FRMD1: variants seen among roughly 807,000 people sequenced by gnomAD.
FRMD1 encodes the protein FERM domain containing 1.
Under a neutral mutation model 54.9 loss-of-function variants are expected in FRMD1, and 51 were observed. The observed-to-expected ratio is 0.93, with a 90% confidence interval of 0.74 to 1.17. The LOEUF is 1.17. Ranked by LOEUF, FRMD1 falls within the 50% of genes most tolerant of loss-of-function variation. The probability of loss-of-function intolerance (pLI) is 0.00; values close to 1 mark genes in which losing one functional copy is unlikely to be tolerated. For synonymous variants in FRMD1, 324 were observed against 306.4 expected, an observed-to-expected ratio of 1.06 and a Z score of -0.60; for missense variants, 729 against 743.0, an observed-to-expected ratio of 0.98 and a Z score of 0.22.
Position 168,062,960 on chromosome 6 carries a change from C to T in FRMD1, c.805-1G>A. 1 of 1,613,692 alleles carries T rather than the reference C, an allele frequency of 6.2e-7. No individual in the cohort carries two copies. Among genetic ancestry groups the T allele is most frequent in the Non-Finnish European group, 8.5e-7 (1 of 1,179,622 alleles). On this transcript the variant is annotated splice_acceptor_variant, in intron 6 of 10. Coordinates refer to ENST00000283309, the MANE Select transcript of FRMD1 (RefSeq NM_024919.6). LOFTEE classifies it high-confidence loss of function. ...CGGTGGGACGACCTTCCTTCTTATC[C>T]TAGAGGACACAGGTCAGAGGTCAAG...
At chr6:168,077,098 G>T (rs1800629672) in intron 1 of FRMD1, among the ~76,000 whole-genome samples, 1 of 152,158 alleles carries the variant, frequency 6.6e-6, no homozygotes. Flanking sequence ...CCCCAACAGA[G>T]GGTTGCTGTC....
chr6:168,057,265 C>T lies in FRMD1; in HGVS notation c.1482G>A (p.Leu494=), dbSNP rs1799458766. The change falls in exon 11 of 11, where the codon CTG becomes CTA. Residue 494 remains leucine (L), a synonymous_variant. Coordinates refer to ENST00000283309, the MANE Select transcript of FRMD1 (RefSeq NM_024919.6). ...HGLDDMQLHQ[L]ALHPAPTSLS... is the part of the protein sequence containing the mutation. Reference sequence around the variant, plus strand: ...GTGAGGTGGGCGCTGGGTGCAGGGCCAGCTGGTGCAGCTGCATGTCGTCCA... The same window carrying T: ...GTGAGGTGGGCGCTGGGTGCAGGGCTAGCTGGTGCAGCTGCATGTCGTCCA... 1.2e-6 allele frequency: 2 copies of T among 1,611,556 alleles called. No individual in the cohort carries two copies. The highest frequency in any genetic ancestry group is 1.7e-6 in the Non-Finnish European group (2 of 1,179,298).
Position 168,061,792 on chromosome 6 carries a change from C to A in FRMD1, c.1045+15G>T. The A allele has an allele frequency of 1.3e-6, 2 of 1,542,442 alleles. No homozygotes were observed. Among genetic ancestry groups the A allele is most frequent in the Non-Finnish European group, 1.7e-6 (2 of 1,144,462 alleles). ...AGTCCGGCTGCGGAGCCCAGCATAC[C>A]CAGCCCAGCCCCACCTTCTGCCTCC... On this transcript the variant is annotated intron_variant, in intron 8 of 10. Coordinates refer to ENST00000283309, the MANE Select transcript of FRMD1 (RefSeq NM_024919.6).
Position 168,061,059 on chromosome 6 carries a change from TGTGGGGA to T in FRMD1, c.1046-9_1046-3del. On this transcript the variant is annotated splice_region_variant and splice_polypyrimidine_tract_variant and intron_variant, in intron 8 of 10. Transcript: ENST00000283309. ...AGGACTCCCGGTAGTGCTGCTTCTCTGTGGGGAGTGGGGAGCACAGTGAGGGCGAGCT... is the reference window on the plus strand; with the variant it reads ...AGGACTCCCGGTAGTGCTGCTTCTCTGTGGGGAGCACAGTGAGGGCGAGCT... The T allele has an allele frequency of 2.5e-6, 4 of 1,605,438 alleles. No homozygotes were observed. The highest frequency in any genetic ancestry group is 3.4e-6 in the Non-Finnish European group (4 of 1,174,458).
chr6:168,057,275 A>T lies in FRMD1; in HGVS notation c.1472T>A (p.Leu491Gln), dbSNP rs61741360. 8.7e-5 allele frequency: 141 copies of T among 1,612,312 alleles called. No individual in the cohort carries two copies. In the African/African-American group the frequency reaches 1.6e-3, roughly 18 times the overall value. The stretch of plus-strand genomic sequence containing the variant: ...CGCTGGGTGCAGGGCCAGCTGGTGC[A>T]GCTGCATGTCGTCCAGGCCATGGCT... ...QHSHGLDDMQ[L>Q]HQLALHPAPT... The change falls in exon 11 of 11, where the codon CTG (leucine) becomes CAG (glutamine). Residue 491 changes from leucine to glutamine, a missense_variant. Leu to Gln is a moderately radical substitution (Grantham distance 113, BLOSUM62 -2). Transcript: ENST00000283309.
chr6:168,070,929 G>C (rs1228012554), intron 2 of FRMD1, among the ~76,000 whole-genome samples: 1 of 152,198 alleles, frequency 6.6e-6, no homozygotes, highest in Non-Finnish European at 1.5e-5. Context: ...ACCCTCTAGA[G>C]CCTCCTCACT....
rs527760714 is a variant in FRMD1, at chr6:168,060,879, C to T, written c.1224G>A (p.Arg408=). 84 of 1,613,832 alleles carry T rather than the reference C, an allele frequency of 5.2e-5. No individual in the cohort carries two copies. In the Middle Eastern group the frequency reaches 9.9e-4, roughly 19 times the overall value. The change falls in exon 9 of 11, where the codon AGG becomes AGA. Residue 408 remains arginine, a synonymous_variant. Transcript: ENST00000283309. ...CGTCCACAGACATCTCTCTGGATTC[C>T]CTGAGCCAGGAGTTGGCCTTGATGC... is the stretch of plus-strand genomic sequence containing the variant. ...TSGIKANSWL[R]ESREMSVDVP... is the part of the protein sequence containing the mutation.
intron 2 of FRMD1, among the ~76,000 whole-genome samples, chr6:168,071,488 C>T (rs1405721003): frequency 1.3e-5 from 2 of 152,156 alleles, no homozygotes; most frequent in Non-Finnish European, 2.9e-5. Flanking sequence ...CAAACCGCAG[C>T]GCCAGGGAGG....
intron 3 of FRMD1, 192 bp downstream of exon 3, chr6:168,067,175 G>T: frequency 4.4e-6 from 3 of 689,528 alleles, no homozygotes; most frequent in Non-Finnish European, 8.0e-6. Context: ...AGTCCACCGC[G>T]GTGCCTGCCC....
chr6:168,091,248 G>A (rs1487116139), intron 1 of FRMD1, among the ~76,000 whole-genome samples: 1 of 152,234 alleles, frequency 6.6e-6, no homozygotes, highest in Admixed American at 6.5e-5. Flanking sequence ...ACCCTGCAGT[G>A]TGCGCCTTCC....
chr6:168,069,569 G>A (rs1207137241), intron 2 of FRMD1, among the ~76,000 whole-genome samples: 2 of 152,062 alleles, frequency 1.3e-5, no homozygotes, highest in Non-Finnish European at 2.9e-5. Flanking sequence ...CCTTTGCCTC[G>A]GTAAGGTCAG....
chr6:168,087,856 C>T lies in FRMD1; in HGVS notation c.-11-8832G>A, dbSNP rs116313334. On this transcript the variant is annotated intron_variant, in intron 1 of 12. Coordinates refer to the FRMD1 transcript ENST00000644440. ...TCACCACCCGTCTGGGCACGGAGAC[C>T]CCCGGACCCTCACACTTCCACCCCT... Among the ~76,000 whole-genome samples, 1,456 of 152,222 alleles carry T rather than the reference C, an allele frequency of 9.6e-3. 27 individuals are homozygous for T. The highest frequency in any genetic ancestry group is 0.034 in the African/African-American group (1,395 of 41,510).
upstream of FRMD1, chr6:168,081,322 G>C: frequency 6.7e-7 from 1 of 1,494,148 alleles, no homozygotes; most frequent in South Asian, 1.3e-5. Flanking sequence ...AGGCGTGACC[G>C]GGCCCCAACA....
At chr6:168,081,338 C>T, upstream of FRMD1, 2 of 1,521,588 alleles carry the variant, frequency 1.3e-6, no homozygotes, top group South Asian at 1.2e-5. Context: ...CAACACTGAC[C>T]CCACCTCTGA....
At position 168,064,728 on chromosome 6, in the gene FRMD1, GGT is replaced by G; in HGVS notation, c.648+141_648+142del. On this transcript the variant is annotated intron_variant, in intron 5 of 10. Transcript: ENST00000283309. Reference sequence around the variant, plus strand: ...CTTGGGCCTTCAGGACAGAAGGACAGGTGATTGCCCTGTTTCCATCCCTGACC... The same window carrying G: ...CTTGGGCCTTCAGGACAGAAGGACAGGATTGCCCTGTTTCCATCCCTGACC... The G allele has an allele frequency of 6.4e-6, 9 of 1,409,486 alleles. No individual in the cohort carries two copies. The East Asian group carries it at 2.3e-4, about 36-fold the overall frequency. The allele number at this position is 1,409,486 out of a possible 1,614,324, so 87.3% of individuals were successfully genotyped here.
chr6:168,084,330 C>G (rs748481662), upstream of FRMD1, among the ~76,000 whole-genome samples: 2 of 152,198 alleles, frequency 1.3e-5, no homozygotes, highest in Non-Finnish European at 2.9e-5. Context: ...CTTAGCACTG[C>G]GCGTGTCGGA....
At chr6:168,069,829 C>A (rs895842646) in intron 2 of FRMD1, among the ~76,000 whole-genome samples, 37 of 152,348 alleles carry the variant, frequency 2.4e-4, no homozygotes, top group African/African-American at 8.9e-4. Context: ...CAGCAGACAT[C>A]ATCACCTCTG....
At chr6:168,092,957 T>C (rs1457245463) in intron 1 of FRMD1, 1 of 152,070 alleles carries the variant, frequency 6.6e-6, no homozygotes, top group Non-Finnish European at 1.5e-5. Context: ...AGGAAAGAGG[T>C]TTAGAGGACT....
chr6:168,074,694 TGG>T (rs1800487214), intron 2 of FRMD1, among the ~76,000 whole-genome samples: 1 of 150,632 alleles, frequency 6.6e-6, no homozygotes. Flanking sequence ...TGTGTAATTG[TGG>T]GCATGTGTGT....
Sources: gnomAD v4.1 joint callset for allele counts (sites outside exome capture counted in the v4.1 genomes callset) on GRCh38, gnomAD v4.1.1 for gene constraint, MANE v1.5 for transcripts, NCBI Gene and HGNC (gene_info 2026-07-23, HGNC 2026-07-21) for gene names.